ZCCHC14: variants seen among roughly 807,000 people sequenced by gnomAD.
ZCCHC14 encodes the protein zinc finger CCHC-type containing 14.
Under a neutral mutation model 85.0 loss-of-function variants are expected in ZCCHC14, and 16 were observed. The observed-to-expected ratio is 0.19, with a 90% CI of 0.13 to 0.29. The LOEUF is 0.29. Ranked by LOEUF, ZCCHC14 falls within the 10% of genes least tolerant of loss-of-function variation. The pLI, the probability that ZCCHC14 is intolerant of heterozygous loss-of-function variation, is 1.00. For missense variants in ZCCHC14, 1,303 were observed against 1,443.5 expected (o/e 0.90, Z 1.58); for synonymous variants, 775 against 630.7 (o/e 1.23, Z -3.43).
At chr16:87,483,907 G>A (rs936157885) in intron 1 of ZCCHC14, among the ~76,000 whole-genome samples, 2 of 152,216 alleles carry the variant, frequency 1.3e-5, no homozygotes, top group Non-Finnish European at 2.9e-5. Context: ...GTAAATGACA[G>A]TGCACTGGTT....
At chr16:87,444,512 A>G (rs1380573568) in intron 2 of ZCCHC14, among the ~76,000 whole-genome samples, 1 of 152,272 alleles carries the variant, frequency 6.6e-6, no homozygotes, top group Non-Finnish European at 1.5e-5. Flanking sequence ...TAATTTTTAC[A>G]CAGGAGAATC....
At position 87,458,013 on chromosome 16, in the gene ZCCHC14, A is replaced by G. The variant is rs546637393; in HGVS notation, c.694+1995T>C. 2.6e-3 allele frequency among the ~76,000 whole-genome samples: 390 copies of G among 152,198 alleles called. 1 individual carries two copies. Among genetic ancestry groups the G allele is most frequent in the Non-Finnish European group, 4.1e-3 (278 of 68,008 alleles). On this transcript the variant is annotated intron_variant, in intron 2 of 12. Coordinates refer to ENST00000671377, the MANE Select transcript of ZCCHC14 (RefSeq NM_015144.3). Reference sequence around the variant, plus strand: ...CTACGCAGGCTTTGCCACAGCTCACATGAGAGTCAGCTCACCCTCTGTCTC... The same window carrying G: ...CTACGCAGGCTTTGCCACAGCTCACGTGAGAGTCAGCTCACCCTCTGTCTC...
chr16:87,474,957 G>C (rs1245710043), intron 1 of ZCCHC14, among the ~76,000 whole-genome samples: 1 of 152,208 alleles, frequency 6.6e-6, no homozygotes, highest in Non-Finnish European at 1.5e-5. Context: ...CTGACTGCCT[G>C]CTAAAACAAA....
At chr16:87,460,157 T>G in intron 1 of ZCCHC14, 26 bp from the exon 2 acceptor site, 1 of 1,611,492 alleles carries the variant, frequency 6.2e-7, no homozygotes, top group Non-Finnish European at 8.5e-7. Context: ...CAGAATCATC[T>G]TATTTTCTCC....
At chr16:87,481,062 T>C (rs911774004) in intron 1 of ZCCHC14, among the ~76,000 whole-genome samples, 2 of 152,096 alleles carry the variant, frequency 1.3e-5, no homozygotes, top group African/African-American at 2.4e-5. Context: ...ACAAGGGAAC[T>C]GATGTCAGAG....
intron 1 of ZCCHC14, chr16:87,467,371 A>T: frequency 1.3e-6 from 2 of 1,599,000 alleles, no homozygotes; most frequent in Middle Eastern, 1.7e-4. Context: ...GGGGTAATTA[A>T]GCAAGAGAAA....
chr16:87,444,957 T>C (rs1037641881), intron 2 of ZCCHC14, among the ~76,000 whole-genome samples: 19 of 152,218 alleles, frequency 1.2e-4, no homozygotes, highest in Non-Finnish European at 2.5e-4. Context: ...ATGATCACGA[T>C]TTGGGGATGT....
chr16:87,434,764 G>A (rs1368925499), intron 2 of ZCCHC14, among the ~76,000 whole-genome samples: 5 of 152,162 alleles, frequency 3.3e-5, no homozygotes, highest in Non-Finnish European at 5.9e-5. Context: ...GGCCGAGGCA[G>A]GCAAATCACA....
chr16:87,422,994 C>T (rs71390894), intron 4 of ZCCHC14, among the ~76,000 whole-genome samples: 1 of 152,134 alleles, frequency 6.6e-6, no homozygotes, highest in African/African-American at 2.4e-5. Context: ...AATCAGACAT[C>T]GTCCTCACTC....
At chr16:87,481,464 C>A (rs1470368481) in intron 1 of ZCCHC14, among the ~76,000 whole-genome samples, 4 of 146,086 alleles carry the variant, frequency 2.7e-5, no homozygotes, top group Non-Finnish European at 6.0e-5. Flanking sequence ...CAAATCTAAG[C>A]CTGCGTCCAG....
intron 1 of ZCCHC14, among the ~76,000 whole-genome samples, chr16:87,485,905 C>T (rs1567546292): frequency 6.6e-6 from 1 of 152,200 alleles, no homozygotes; most frequent in African/African-American, 2.4e-5. Flanking sequence ...CCTGCAGTGA[C>T]AAGACTAACG....
At chr16:87,440,916 T>TG (rs1910151719) in intron 2 of ZCCHC14, among the ~76,000 whole-genome samples, 1 of 151,518 alleles carries the variant, frequency 6.6e-6, no homozygotes, top group Non-Finnish European at 1.5e-5. Context: ...CGCCCAGCCC[T>TG]GCCCTTCATT....
At chr16:87,475,104 A>C (rs1464628426) in intron 1 of ZCCHC14, among the ~76,000 whole-genome samples, 3 of 152,254 alleles carry the variant, frequency 2.0e-5, no homozygotes, top group Non-Finnish European at 4.4e-5. Flanking sequence ...GGAAAGAGTT[A>C]GCTCTGGAGA....
chr16:87,460,411 C>A (rs557991446), intron 1 of ZCCHC14, among the ~76,000 whole-genome samples: 3 of 152,126 alleles, frequency 2.0e-5, no homozygotes, highest in African/African-American at 7.2e-5. Flanking sequence ...CCAAAGAGGC[C>A]GGGCACGGTG....
Position 87,412,788 on chromosome 16 carries a change from G to A in ZCCHC14, c.1933C>T (p.Arg645Cys), listed in dbSNP as rs1323180143. 11 of 1,613,656 alleles carry A rather than the reference G, an allele frequency of 6.8e-6. No individual in the cohort carries two copies. Among genetic ancestry groups the A allele is most frequent in the East Asian group, 2.2e-5 (1 of 44,884 alleles). Reference protein sequence around the residue: ...LSAASHITPIRMLNSVHKPER... With the variant: ...LSAASHITPICMLNSVHKPER... ...GGCTTGTGCACGGAATTCAGCATGC[G>A]GATGGGTGTGATGTGTGAGGCTGCG... The change falls in exon 12 of 13, where the codon CGC becomes TGC. Residue 645 changes from arginine (R) to cysteine (C), a missense_variant. This residue lies in a region of ZCCHC14 where 797 missense variants were observed against 730.8 expected (regional missense o/e 1.09). Coordinates refer to ENST00000671377, the MANE Select transcript of ZCCHC14 (RefSeq NM_015144.3).
intron 3 of ZCCHC14, among the ~76,000 whole-genome samples, chr16:87,427,617 T>A (rs1178945689): frequency 6.6e-6 from 1 of 151,596 alleles, no homozygotes; most frequent in Admixed American, 6.6e-5. Context: ...TTAATAAGAG[T>A]TGTTTATTAG....
chr16:87,487,805 G>GA lies in ZCCHC14; in HGVS notation c.570+3863dup, dbSNP rs1431816232. ...ACACAGGGGAACGCCACTCGGCAGCGAAAGAGGAGGAAGTGCTGACACACC... is the reference window on the plus strand; with the variant it reads ...ACACAGGGGAACGCCACTCGGCAGCGAAAAGAGGAGGAAGTGCTGACACACC... On this transcript the variant is annotated intron_variant, in intron 1 of 12. Transcript: ENST00000671377. Among the ~76,000 whole-genome samples, 4 of 152,348 alleles carry GA rather than the reference G, an allele frequency of 2.6e-5. No homozygotes were observed. In the East Asian group the frequency reaches 7.7e-4, roughly 29 times the overall value.
intron 1 of ZCCHC14, among the ~76,000 whole-genome samples, chr16:87,463,271 A>G (rs568809826): frequency 2.3e-4 from 35 of 151,998 alleles, no homozygotes; most frequent in Non-Finnish European, 4.6e-4. Context: ...AGTCCCAACT[A>G]CTTGGGAGGC....
rs191513154 is a variant in ZCCHC14 at position 87,410,006 on chromosome 16, C to T, written c.*274G>A. On this transcript the variant is annotated 3_prime_UTR_variant, in exon 13 of 13. Transcript: ENST00000671377. The stretch of plus-strand genomic sequence containing the variant: ...TGGCAATGCTCTTCGGGAGACATGG[C>T]GTCTCTGCACTGCAACCAAAAGTGG... 5.7e-3 allele frequency: 1,705 copies of T among 300,424 alleles called. 8 individuals carry two copies. Among genetic ancestry groups the T allele is most frequent in the Non-Finnish European group, 7.6e-3 (1,244 of 163,160 alleles). 18.6% of individuals were successfully genotyped at this position (300,424 alleles called of 1,614,324 possible). A position where few individuals can be genotyped will look rare whatever the true frequency, so the allele number is the denominator to read the frequency against.
Sources: allele counts gnomAD v4.1 joint callset (sites outside exome capture counted in the v4.1 genomes callset), GRCh38; gene constraint gnomAD v4.1.1; regional missense constraint gnomAD v4.1.1; transcripts MANE v1.5; gene names NCBI Gene and HGNC (gene_info 2026-07-23, HGNC 2026-07-21).